The following CYLC1 variants were observed in gnomAD, a reference collection of about 807,000 sequenced individuals.
The protein encoded by CYLC1 is cylicin 1, also known as cylicin-1.
A neutral mutation model predicts 31.6 loss-of-function variants in CYLC1; 2 were observed. The observed-to-expected ratio is 0.06, with a 90% CI of 0.03 to 0.20. CYLC1 has a LOEUF of 0.20. Among genes scored for constraint, CYLC1 ranks in the 10% least tolerant of loss-of-function variants. CYLC1 has a pLI of 1.00. For missense variants in CYLC1, 595 were observed against 424.1 expected (o/e 1.40, Z -3.54); for synonymous variants, 185 against 153.0 (o/e 1.21, Z -1.54).
Position 83,872,931 on chromosome X carries a change from A to G in CYLC1, c.223A>G (p.Lys75Glu). The change falls in exon 4 of 5, where the codon AAA (lysine) becomes GAA (glutamate). Residue 75 changes from lysine (K) to glutamate (E), a missense_variant. By Grantham distance (56) the Lys-to-Glu change is moderately conservative (BLOSUM62 1). Coordinates refer to ENST00000329312, the MANE Select transcript of CYLC1 (RefSeq NM_021118.3). ...KLEEGQKPAH[K>E]WIRHSFRKIL... is the part of the protein sequence containing the mutation. The stretch of plus-strand genomic sequence containing the variant: ...AGAAGAAGGCCAGAAACCAGCTCAT[A>G]AATGGATAAGGCATTCTTTCAGAAA... 1 of 1,192,902 alleles carries G rather than the reference A, an allele frequency of 8.4e-7. No individual in the cohort carries two copies. The highest frequency in any genetic ancestry group is 1.1e-6 in the Non-Finnish European group (1 of 889,171).
intron 4 of CYLC1, among the ~76,000 whole-genome samples, chrX:83,881,258 G>T (rs961313280): frequency 9.0e-6 from 1 of 110,617 alleles, no homozygotes; most frequent in African/African-American, 3.3e-5. Flanking sequence ...CGTCGAACTT[G>T]GTTCACTTTA....
At chrX:83,862,407 G>A (rs1263741005) in intron 1 of CYLC1, among the ~76,000 whole-genome samples, 3 of 109,353 alleles carry the variant, frequency 2.7e-5, no homozygotes, top group Admixed American at 1.9e-4. Context: ...GCCGGGCGTG[G>A]TGGCAGGCGC....
At chrX:83,864,200 A>G (rs1352423079) in intron 1 of CYLC1, among the ~76,000 whole-genome samples, 1 of 112,085 alleles carries the variant, frequency 8.9e-6, no homozygotes, top group Non-Finnish European at 1.9e-5. Context: ...TTCCAAATAA[A>G]GTAATATTCA....
At chrX:83,868,123 A>C (rs928834970) in intron 1 of CYLC1, among the ~76,000 whole-genome samples, 3 of 111,485 alleles carry the variant, frequency 2.7e-5, no homozygotes, top group African/African-American at 9.7e-5. Context: ...AAATATTTTA[A>C]GAGCAGGATT....
chrX:83,874,241 G>A lies in CYLC1; in HGVS notation c.1533G>A (p.Lys511=), dbSNP rs766402084. ...EKKGSKKDIK[K]DARKDTESTD... ...AAGGTTCAAAGAAAGATATCAAGAA[G>A]GATGCAAGAAAGGACACAGAGTCTA... is the stretch of plus-strand genomic sequence containing the variant. The change falls in exon 4 of 5, where the codon AAG becomes AAA. Residue 511 remains lysine (K), a synonymous_variant. Transcript: ENST00000329312. 1.5e-5 allele frequency: 18 copies of A among 1,208,180 alleles called. No homozygotes were observed. Among genetic ancestry groups the A allele is most frequent in the Admixed American group, 1.3e-4 (6 of 45,685 alleles).
chrX:83,879,592 G>A (rs1201641849), intron 4 of CYLC1, among the ~76,000 whole-genome samples: 1 of 110,678 alleles, frequency 9.0e-6, no homozygotes, highest in East Asian at 2.8e-4. Flanking sequence ...TTTTATTTTT[G>A]CTTATCTCTC....
At chrX:83,877,540 T>C (rs1275928633) in intron 4 of CYLC1, among the ~76,000 whole-genome samples, 3 of 110,496 alleles carry the variant, frequency 2.7e-5, no homozygotes, top group Non-Finnish European at 3.8e-5. Flanking sequence ...TCTTTTTGTT[T>C]CTCATAAACA....
intron 1 of CYLC1, chrX:83,864,800 A>G (rs2031570042): frequency 1.2e-5 from 3 of 246,473 alleles, no homozygotes; most frequent in Admixed American, 1.1e-4. Context: ...GAGCCCCTTC[A>G]TGAAATATTC....
intron 4 of CYLC1, among the ~76,000 whole-genome samples, chrX:83,877,861 A>G (rs191686591): frequency 1.2e-5 from 1 of 86,630 alleles, no homozygotes; most frequent in Admixed American, 1.6e-4. Flanking sequence ...CAGGCAGTGA[A>G]TCTAGCCTGT....
At chrX:83,880,334 G>C (rs2031891849) in intron 4 of CYLC1, among the ~76,000 whole-genome samples, 2 of 111,926 alleles carry the variant, frequency 1.8e-5, no homozygotes, top group African/African-American at 6.5e-5. Context: ...CTAGTCCTTA[G>C]TAAATAATAA....
intron 1 of CYLC1, among the ~76,000 whole-genome samples, chrX:83,869,521 A>T: frequency 9.1e-6 from 1 of 110,295 alleles, no homozygotes; most frequent in East Asian, 2.8e-4. Context: ...TTCCAACTCC[A>T]TCCATAGCCC....
rs1207675558 is a variant in CYLC1, at chrX:83,874,267, C to A, written c.1559C>A (p.Thr520Asn). The A allele has an allele frequency of 8.3e-7, 1 of 1,207,563 alleles. No homozygotes were observed. Among genetic ancestry groups the A allele is most frequent in the African/African-American group, 1.8e-5 (1 of 56,961 alleles). ...GATGCAAGAAAGGACACAGAGTCTA[C>A]TGATGCTGAATTTGATGAATCTTCC... ...KKDARKDTES[T>N]DAEFDESSKT... The change falls in exon 4 of 5, where the codon ACT becomes AAT. Residue 520 changes from threonine to asparagine, a missense_variant. Thr to Asn is a moderately conservative substitution (Grantham distance 65, BLOSUM62 0). Coordinates refer to ENST00000329312, the MANE Select transcript of CYLC1 (RefSeq NM_021118.3).
At chrX:83,865,479 A>G (rs2031580328) in intron 1 of CYLC1, among the ~76,000 whole-genome samples, 1 of 111,852 alleles carries the variant, frequency 8.9e-6, no homozygotes, top group Non-Finnish European at 1.9e-5. Flanking sequence ...TGTTACCTTG[A>G]TTAGTTTCAT....
intron 4 of CYLC1, among the ~76,000 whole-genome samples, chrX:83,877,011 G>A (rs757793545): frequency 1.8e-5 from 2 of 110,803 alleles, no homozygotes; most frequent in Non-Finnish European, 3.8e-5. Context: ...AGTATCTACT[G>A]GGCATCTCAT....
Position 83,874,000 on chromosome X carries a change from C to A in CYLC1, c.1292C>A (p.Thr431Lys). 1 of 1,186,139 alleles carries A rather than the reference C, an allele frequency of 8.4e-7. No homozygotes were observed. The change falls in exon 4 of 5, where the codon ACA (threonine) becomes AAA (lysine). Residue 431 changes from threonine to lysine, a missense_variant. Thr to Lys is a moderately conservative substitution (Grantham distance 78). Coordinates refer to ENST00000329312, the MANE Select transcript of CYLC1 (RefSeq NM_021118.3). The stretch of plus-strand genomic sequence containing the variant: ...AAAAAGGATAAAAAAGATTCAAAGA[C>A]AGATAATAAAAAGTCTGTCAAGAAT... ...DEKKDKKDSK[T>K]DNKKSVKNDE...
At chrX:83,862,013 GA>G (rs1350997283) in intron 1 of CYLC1, among the ~76,000 whole-genome samples, 9 of 111,107 alleles carry the variant, frequency 8.1e-5, no homozygotes, top group Admixed American at 4.8e-4. Context: ...CAATTTATAG[GA>G]AAAAATCTTA....
At chrX:83,870,399 A>G (rs1021980474) in intron 2 of CYLC1, among the ~76,000 whole-genome samples, 10 of 111,588 alleles carry the variant, frequency 9.0e-5, no homozygotes, top group Admixed American at 2.9e-4. Context: ...GAAGCCTATA[A>G]CAATGTGATT....
intron 1 of CYLC1, 89 bp downstream of exon 1, chrX:83,861,288 TG>T: frequency 1.5e-6 from 1 of 652,827 alleles, no homozygotes; most frequent in African/African-American, 2.2e-5. Flanking sequence ...CTGTAAAGAA[TG>T]TTTCTTTCAT....
intron 1 of CYLC1, among the ~76,000 whole-genome samples, chrX:83,868,486 A>G (rs1474007508): frequency 9.0e-6 from 1 of 110,916 alleles, no homozygotes; most frequent in Non-Finnish European, 1.9e-5. Flanking sequence ...TACTATCATT[A>G]AGATATTCTC....
Sources: gnomAD v4.1 joint callset for allele counts (sites outside exome capture counted in the v4.1 genomes callset) on GRCh38, gnomAD v4.1.1 for gene constraint, MANE v1.5 for transcripts, NCBI Gene and HGNC (gene_info 2026-07-23, HGNC 2026-07-21) for gene names.